FBXO31: variants seen among roughly 807,000 people sequenced by gnomAD.
FBXO31 encodes F-box protein 31.
FBXO31 carries 24 observed loss-of-function variants against 54.4 expected under a neutral mutation model. The ratio of observed to expected loss-of-function variants is 0.44; its 90% CI spans 0.32 to 0.62. The LOEUF is 0.62. FBXO31 is among the 20% of genes least tolerant of loss of function. The probability of loss-of-function intolerance (pLI) is 0.05; values close to 1 mark genes in which losing one functional copy is unlikely to be tolerated. For missense variants in FBXO31, 665 were observed against 787.1 expected (o/e 0.84, Z 1.86); for synonymous variants, 388 against 335.6 (o/e 1.16, Z -1.71).
chr16:87,356,657 G>C (rs1434153398), intron 2 of FBXO31, among the ~76,000 whole-genome samples: 1 of 152,226 alleles, frequency 6.6e-6, no homozygotes, highest in Non-Finnish European at 1.5e-5. Context: ...GCGGGACCCA[G>C]TTCCCCAGCT....
rs117991093 is a variant in FBXO31, at chr16:87,360,530, T to A, written c.341-164A>T. ...ATTTCACTGACTTCTCCACATTCAG[T>A]AAACACCCTTGTTCACCGATGAAGA... On this transcript the variant is annotated intron_variant, in intron 1 of 8. Transcript: ENST00000311635. The A allele has an allele frequency of 3.3e-4, 211 of 638,022 alleles. No homozygotes were observed. The East Asian group carries it at 5.7e-3, about 17-fold the overall frequency. 39.5% of individuals were successfully genotyped at this position (638,022 alleles called of 1,614,324 possible).
intron 1 of FBXO31, among the ~76,000 whole-genome samples, chr16:87,366,441 A>G (rs943770862): frequency 6.6e-6 from 1 of 152,198 alleles, no homozygotes; most frequent in Non-Finnish European, 1.5e-5. Flanking sequence ...GGGCCCAGAC[A>G]GAGGTGAAGA....
intron 5 of FBXO31, among the ~76,000 whole-genome samples, chr16:87,341,398 G>C (rs1466307448): frequency 2.0e-5 from 3 of 152,180 alleles, no homozygotes; most frequent in Non-Finnish European, 4.4e-5. Flanking sequence ...GCTCACACCT[G>C]TAATCCCGGC....
intron 8 of FBXO31, 83 bp downstream of exon 8, chr16:87,333,803 G>A (rs1051264914): frequency 6.0e-6 from 9 of 1,508,216 alleles, no homozygotes; most frequent in Admixed American, 4.5e-5. Flanking sequence ...GGCCCTCTCC[G>A]CCTGTGCTAG....
intron 1 of FBXO31, among the ~76,000 whole-genome samples, chr16:87,370,581 G>C (rs923273038): frequency 6.6e-6 from 1 of 152,150 alleles, no homozygotes; most frequent in Non-Finnish European, 1.5e-5. Context: ...CCTGTGGGTG[G>C]GGATGACTGA....
chr16:87,372,929 T>G (rs1284263587), intron 1 of FBXO31, among the ~76,000 whole-genome samples: 1 of 151,254 alleles, frequency 6.6e-6, no homozygotes, highest in Non-Finnish European at 1.5e-5. Context: ...GAGACGGGGT[T>G]TCACCATATT....
chr16:87,371,853 C>T (rs1228646557), intron 1 of FBXO31, among the ~76,000 whole-genome samples: 3 of 152,098 alleles, frequency 2.0e-5, no homozygotes, highest in Non-Finnish European at 4.4e-5. Flanking sequence ...GGGGAAACCT[C>T]GACTCAACAC....
chr16:87,341,699 C>G (rs1303411242), intron 5 of FBXO31, among the ~76,000 whole-genome samples: 1 of 149,438 alleles, frequency 6.7e-6, no homozygotes, highest in Admixed American at 6.7e-5. Context: ...ACAGCAATCA[C>G]ACACATACGT....
chr16:87,344,855 T>TG (rs1389274108), intron 3 of FBXO31, among the ~76,000 whole-genome samples: 7 of 152,000 alleles, frequency 4.6e-5, no homozygotes, highest in African/African-American at 1.5e-4. Flanking sequence ...AAACCCCACC[T>TG]GGGGGCAAAA....
At chr16:87,377,211 G>C (rs919442211) in intron 1 of FBXO31, among the ~76,000 whole-genome samples, 1 of 152,244 alleles carries the variant, frequency 6.6e-6, no homozygotes. Context: ...TTGGGAGGCC[G>C]AGGCGGGCGG....
At chr16:87,387,503 T>C (rs746112928), upstream of FBXO31, among the ~76,000 whole-genome samples, 3 of 152,148 alleles carry the variant, frequency 2.0e-5, no homozygotes, top group Non-Finnish European at 4.4e-5. Context: ...TAGTATTTCT[T>C]GGACTGAGGA....
rs1905407282 is a variant in FBXO31, at chr16:87,346,786, G to C, written c.489+388C>G. ...GAGCGGGTCCACAGCAGAACCCAAG[G>C]AAACAGACGTCAGAGTGCACCATGG... is the stretch of plus-strand genomic sequence containing the variant. On this transcript the variant is annotated intron_variant, in intron 3 of 8. Transcript: ENST00000311635. This position sits in a 1 kb window ranked among gnomAD's most constrained non-coding sequence, Gnocchi z 4.2. 1.3e-5 allele frequency among the ~76,000 whole-genome samples: 2 copies of C among 152,184 alleles called. No homozygotes were observed. The highest frequency in any genetic ancestry group is 2.9e-5 in the Non-Finnish European group (2 of 68,030).
rs1905665736 is a variant in FBXO31, at chr16:87,351,684, C to A, written c.413-4434G>T. The stretch of plus-strand genomic sequence containing the variant: ...AGGAGTTTAAGACCAGCCTGGCCAA[C>A]ATGGTGAAATCCCGTCTCTACTAAA... On this transcript the variant is annotated intron_variant, in intron 2 of 8. Coordinates refer to ENST00000311635, the MANE Select transcript of FBXO31 (RefSeq NM_024735.5). Among the ~76,000 whole-genome samples the A allele has an allele frequency of 1.3e-5, 2 of 152,156 alleles. 1 individual carries two copies. The highest frequency in any genetic ancestry group is 4.2e-4 in the South Asian group (2 of 4,816).
rs1905027578 is a variant in FBXO31, at chr16:87,335,713, G to A, written c.843-256C>T. ...TCAGCGCCAGGGCAGAGCTTTAGGT[G>A]GGAGGGAAAAGGAAGTGCCAGTTTG... On this transcript the variant is annotated intron_variant, in intron 6 of 8. Coordinates refer to ENST00000311635, the MANE Select transcript of FBXO31 (RefSeq NM_024735.5). This position sits in a 1 kb window ranked among gnomAD's most constrained non-coding sequence, Gnocchi z 5.7. 6.6e-6 allele frequency among the ~76,000 whole-genome samples: 1 copy of A among 152,158 alleles called. No individual in the cohort carries two copies. The highest frequency in any genetic ancestry group is 2.1e-4 in the South Asian group (1 of 4,834).
At chr16:87,392,072 ACAACCGTCAC>A, upstream of FBXO31, 1 of 219,842 alleles carries the variant, frequency 4.5e-6, no homozygotes, top group Non-Finnish European at 9.0e-6. Flanking sequence ...GGCCCAGCCC[ACAACCGTCAC>A]CTCAGGGGCC....
At chr16:87,341,858 C>T (rs1905206847) in intron 5 of FBXO31, among the ~76,000 whole-genome samples, 1 of 152,128 alleles carries the variant, frequency 6.6e-6, no homozygotes, top group African/African-American at 2.4e-5. Context: ...TGGTTCATCT[C>T]AACCTTCTCT....
chr16:87,351,785 C>T (rs550932309), intron 2 of FBXO31, among the ~76,000 whole-genome samples: 1 of 152,290 alleles, frequency 6.6e-6, no homozygotes, highest in South Asian at 2.1e-4. Context: ...AGGAGAATCG[C>T]TTGAACCCAG....
rs1905219022 is a variant in FBXO31 at position 87,342,295 on chromosome 16, T to A, written c.732+582A>T. Among the ~76,000 whole-genome samples the A allele has an allele frequency of 2.6e-5, 4 of 152,030 alleles. 1 individual carries two copies. Among genetic ancestry groups the A allele is most frequent in the Admixed American group, 2.6e-4 (4 of 15,270 alleles). ...GTTTTGAACTCCTGACTTTAAGTGATCCTCTTGCCTCAGCCTCCCAAAGAG... is the reference window on the plus strand; with the variant it reads ...GTTTTGAACTCCTGACTTTAAGTGAACCTCTTGCCTCAGCCTCCCAAAGAG... On this transcript the variant is annotated intron_variant, in intron 5 of 8. Transcript: ENST00000311635.
rs140239407 is a variant in FBXO31 at position 87,375,766 on chromosome 16, T to C, written c.340+7639A>G. On this transcript the variant is annotated intron_variant, in intron 1 of 8. Coordinates refer to ENST00000311635, the MANE Select transcript of FBXO31 (RefSeq NM_024735.5). Reference sequence around the variant, plus strand: ...CTGGAGTGAGTTTGGTTTTGTTTCCTATCCGGAGAAGGAGCCCTTATTTGT... The same window carrying C: ...CTGGAGTGAGTTTGGTTTTGTTTCCCATCCGGAGAAGGAGCCCTTATTTGT... Among the ~76,000 whole-genome samples the C allele has an allele frequency of 3.1e-3, 471 of 152,254 alleles. 3 individuals are homozygous for C. Among genetic ancestry groups the C allele is most frequent in the African/African-American group, 0.011 (453 of 41,542 alleles).
Sources: allele counts gnomAD v4.1 joint callset (sites outside exome capture counted in the v4.1 genomes callset), GRCh38; gene constraint gnomAD v4.1.1; non-coding constraint Gnocchi (gnomAD v3.1); transcripts MANE v1.5; gene names NCBI Gene and HGNC (gene_info 2026-07-23, HGNC 2026-07-21).